The following CYP4F2 variants were observed in gnomAD, a reference collection of about 807,000 sequenced individuals.
CYP4F2 encodes cytochrome P450 family 4 subfamily F member 2, also known as cytochrome P450 4F2.
In CYP4F2, 58 loss-of-function variants were observed where a neutral mutation model predicts 58.9. The ratio of observed to expected loss-of-function variants is 0.98; its 90% CI spans 0.80 to 1.23. The LOEUF is 1.23. Among genes scored for constraint, CYP4F2 ranks in the 50% most tolerant of loss-of-function variants. The probability of loss-of-function intolerance (pLI) is 0.00; values close to 1 mark genes in which losing one functional copy is unlikely to be tolerated. For synonymous variants in CYP4F2, 287 were observed against 261.1 expected (o/e 1.10, Z -0.95); for missense variants, 616 against 685.6 (o/e 0.90, Z 1.13).
At chr19:15,879,305 C>T (rs768298680) in intron 12 of CYP4F2, 41 bp downstream of exon 12, 49 of 1,608,684 alleles carry the variant, frequency 3.0e-5, no homozygotes, top group Non-Finnish European at 3.7e-5. Flanking sequence ...GACCCCTGCA[C>T]CCATCAACCC....
Position 15,889,617 on chromosome 19 carries a change from G to GTA in CYP4F2, c.723_724insTA (p.His242TyrfsTer64), listed in dbSNP as rs1355966324. ...GTGAGATAATACAGGAAGTCAATAT[G>GTA]CAGGAGGATCTCATGGTGTCTTTTT... On this transcript the variant is annotated frameshift_variant, in exon 7 of 13. Transcript: ENST00000221700. LOFTEE classifies it high-confidence loss of function. The GTA allele has an allele frequency of 2.5e-6, 4 of 1,614,220 alleles. No individual in the cohort carries two copies. Among genetic ancestry groups the GTA allele is most frequent in the Non-Finnish European group, 3.4e-6 (4 of 1,180,040 alleles).
chr19:15,879,546 C>T (rs2089329718), intron 11 of CYP4F2, 58 bp downstream of exon 11: 3 of 1,610,690 alleles, frequency 1.9e-6, no homozygotes, highest in Admixed American at 1.7e-5. Context: ...TGATCAAAAC[C>T]CTGCCCCCTC....
chr19:15,879,968 G>C, intron 9 of CYP4F2, 71 bp from the exon 10 acceptor site: 1 of 1,587,706 alleles, frequency 6.3e-7, no homozygotes, highest in Non-Finnish European at 8.5e-7. Flanking sequence ...CTCTCTGTTT[G>C]CAAGTGAGAC....
Position 15,878,840 on chromosome 19 carries a change from G to T in CYP4F2, c.1494C>A (p.Pro498=), listed in dbSNP as rs2089322519. Residue 498 remains proline (P), a synonymous_variant, in exon 13 of 13, where the codon CCC becomes CCA. Transcript: ENST00000221700. Reference sequence around the variant, plus strand: ...GCAGGACCAGCTCCGGCTTCCTGCGGGGCTCGGTGTGGTCAGGCAGGACGC... The same window carrying T: ...GCAGGACCAGCTCCGGCTTCCTGCGTGGCTCGGTGTGGTCAGGCAGGACGC... ...RFRVLPDHTE[P]RRKPELVLRA... is the part of the protein sequence containing the mutation. 9.3e-6 allele frequency: 15 copies of T among 1,614,042 alleles called. No homozygotes were observed. The East Asian group carries it at 3.3e-4, about 36-fold the overall frequency.
rs370055542 is a variant in CYP4F2 at position 15,897,994 on chromosome 19, C to A, written c.-2+32G>T. On this transcript the variant is annotated intron_variant, in intron 1 of 12. Coordinates refer to ENST00000221700, the MANE Select transcript of CYP4F2 (RefSeq NM_001082.5). ...GCCCCTCTCCATCCCAGGCCAGGAC[C>A]CCCCCCAGGCCTGCCACCCCCAGCC... The A allele has an allele frequency of 4.6e-4, 108 of 237,318 alleles. 1 individual carries two copies. The highest frequency in any genetic ancestry group is 2.4e-3 in the African/African-American group (102 of 42,164). 14.7% of individuals were successfully genotyped at this position (237,318 alleles called of 1,614,324 possible). A position where few individuals can be genotyped will look rare whatever the true frequency, so the allele number is the denominator to read the frequency against.
At chr19:15,884,356 GA>G (rs2145003689) in intron 9 of CYP4F2, among the ~76,000 whole-genome samples, 2 of 152,160 alleles carry the variant, frequency 1.3e-5, no homozygotes, top group African/African-American at 4.8e-5. Context: ...GGGGTGAGGA[GA>G]AGTTGATTAA....
At chr19:15,893,409 G>A (rs2089428325) in intron 3 of CYP4F2, among the ~76,000 whole-genome samples, 1 of 152,058 alleles carries the variant, frequency 6.6e-6, no homozygotes, top group African/African-American at 2.4e-5. Flanking sequence ...AAATGTCCTT[G>A]GCCACAGATA....
At chr19:15,888,148 T>G (rs1409412137) in intron 7 of CYP4F2, among the ~76,000 whole-genome samples, 1 of 141,636 alleles carries the variant, frequency 7.1e-6, no homozygotes, top group Non-Finnish European at 1.5e-5. Flanking sequence ...AGTCACAGAT[T>G]TAGAAACACA....
chr19:15,894,096 C>T (rs1449497976), intron 3 of CYP4F2, among the ~76,000 whole-genome samples: 2 of 152,016 alleles, frequency 1.3e-5, no homozygotes, highest in Non-Finnish European at 2.9e-5. Flanking sequence ...CATGTGGATC[C>T]ACACACCATG....
At chr19:15,894,367 G>A (rs1427742733) in intron 3 of CYP4F2, among the ~76,000 whole-genome samples, 2 of 152,194 alleles carry the variant, frequency 1.3e-5, no homozygotes, top group Non-Finnish European at 2.9e-5. Context: ...CAGGCCAGGA[G>A]AAGTAAACCA....
At chr19:15,888,937 G>A (rs1472034146) in intron 7 of CYP4F2, among the ~76,000 whole-genome samples, 3 of 152,132 alleles carry the variant, frequency 2.0e-5, no homozygotes, top group Non-Finnish European at 4.4e-5. Context: ...TGAAAATATA[G>A]ACAGAGACAA....
At chr19:15,890,507 G>A in intron 5 of CYP4F2, 74 bp from the exon 6 acceptor site, 1 of 1,585,730 alleles carries the variant, frequency 6.3e-7, no homozygotes, top group Non-Finnish European at 8.6e-7. Context: ...CAACTGCCAA[G>A]ATGGGCTCCC....
intron 7 of CYP4F2, among the ~76,000 whole-genome samples, chr19:15,887,013 G>T (rs1467055428): frequency 6.6e-6 from 1 of 152,214 alleles, no homozygotes; most frequent in Non-Finnish European, 1.5e-5. Flanking sequence ...TAACAGTATT[G>T]CTGTGAGCAA....
chr19:15,886,732 G>A (rs2089382570), intron 7 of CYP4F2, among the ~76,000 whole-genome samples: 1 of 152,132 alleles, frequency 6.6e-6, no homozygotes, highest in Admixed American at 6.6e-5. Flanking sequence ...TAAGGCTAAG[G>A]ACTATGGCAT....
At chr19:15,895,777 A>C in intron 2 of CYP4F2, 127 bp from the exon 3 acceptor site, 4 of 1,203,508 alleles carry the variant, frequency 3.3e-6, no homozygotes, top group Non-Finnish European at 3.3e-6. Context: ...TATTCATCCT[A>C]TCTATCTAAT....
At chr19:15,889,319 C>A (rs2089401516) in intron 7 of CYP4F2, 104 bp downstream of exon 7, 2 of 1,595,068 alleles carry the variant, frequency 1.3e-6, no homozygotes, top group Admixed American at 3.5e-5. Context: ...CAATCACCTT[C>A]CATGGCTCCC....
chr19:15,894,097 A>G (rs1228633792), intron 3 of CYP4F2, among the ~76,000 whole-genome samples: 4 of 152,176 alleles, frequency 2.6e-5, no homozygotes, highest in Admixed American at 2.6e-4. Context: ...ATGTGGATCC[A>G]CACACCATGT....
chr19:15,892,611 A>C, intron 3 of CYP4F2, 29 bp from the exon 4 acceptor site: 1 of 1,607,880 alleles, frequency 6.2e-7, no homozygotes, highest in Non-Finnish European at 8.5e-7. Flanking sequence ...ATCAGGGGCC[A>C]TGGAGGCAGG....
intron 9 of CYP4F2, among the ~76,000 whole-genome samples, chr19:15,885,435 A>G (rs3093168): frequency 0.64 from 96,489 of 151,816 alleles, 30,821 homozygotes; most frequent in South Asian, 0.7. Flanking sequence ...GTGGGGGTGA[A>G]AATGCAGTGT....
Sources: gnomAD v4.1 joint callset for allele counts (sites outside exome capture counted in the v4.1 genomes callset) on GRCh38, gnomAD v4.1.1 for gene constraint, MANE v1.5 for transcripts, NCBI Gene and HGNC (gene_info 2026-07-23, HGNC 2026-07-21) for gene names.